MSRB3: variants seen among roughly 807,000 people sequenced by gnomAD.
The protein encoded by MSRB3 is methionine-R-sulfoxide reductase B3.
In MSRB3, 13 loss-of-function variants were observed where a neutral mutation model predicts 21.0. That is an observed-to-expected ratio of 0.62 (90% CI 0.40 to 0.98). The LOEUF is 0.98. MSRB3 is among the 50% of genes least tolerant of loss of function. The probability of loss-of-function intolerance (pLI) is 0.00; values close to 1 mark genes in which losing one functional copy is unlikely to be tolerated. For missense variants in MSRB3, 199 were observed against 230.3 expected, an observed-to-expected ratio of 0.86 and a Z score of 0.88; for synonymous variants, 87 against 88.6, an observed-to-expected ratio of 0.98 and a Z score of 0.10.
At chr12:65,321,497 C>G (rs896638912) in intron 2 of MSRB3, among the ~76,000 whole-genome samples, 7 of 152,080 alleles carry the variant, frequency 4.6e-5, no homozygotes, top group African/African-American at 1.7e-4. Context: ...ACATCTTAGA[C>G]TGTATGTTAA....
intron 6 of MSRB3, chr12:65,454,409 A>G (rs1335366317): frequency 3.3e-5 from 5 of 152,328 alleles, no homozygotes; most frequent in African/African-American, 1.2e-4. Flanking sequence ...GGCTCAGTAA[A>G]TTGAAGAGTG....
chr12:65,428,584 A>G (rs763708637), intron 5 of MSRB3, among the ~76,000 whole-genome samples: 1 of 152,222 alleles, frequency 6.6e-6, no homozygotes. Context: ...AGTTTTTAAA[A>G]TAAGTTTACA....
chr12:65,449,136 C>T (rs1462778121), intron 5 of MSRB3, among the ~76,000 whole-genome samples: 1 of 152,038 alleles, frequency 6.6e-6, no homozygotes, highest in Non-Finnish European at 1.5e-5. Flanking sequence ...TCATGCCATT[C>T]TCCTGCCTCA....
intron 5 of MSRB3, among the ~76,000 whole-genome samples, chr12:65,440,786 A>T (rs930854320): frequency 1.3e-5 from 2 of 151,942 alleles, no homozygotes; most frequent in Non-Finnish European, 2.9e-5. Flanking sequence ...AATATCTGAA[A>T]TATATACATT....
At chr12:65,419,629 T>C in intron 5 of MSRB3, 1 of 710,472 alleles carries the variant, frequency 1.4e-6, no homozygotes, top group Non-Finnish European at 2.6e-6. Flanking sequence ...CTCGATGGTC[T>C]TGAAATAATG....
chr12:65,306,716 C>A, intron 1 of MSRB3: 1 of 501,828 alleles, frequency 2.0e-6, no homozygotes, highest in Non-Finnish European at 2.6e-6. Context: ...ACTAATTTGC[C>A]ACTAGATGGA....
At chr12:65,349,237 C>A (rs573303137) in intron 4 of MSRB3, among the ~76,000 whole-genome samples, 1 of 152,146 alleles carries the variant, frequency 6.6e-6, no homozygotes, top group East Asian at 1.9e-4. Context: ...AGGACATGAA[C>A]TCATCATTTT....
At position 65,278,767 on chromosome 12, in the gene MSRB3, C is replaced by T. The variant is rs916376531; in HGVS notation, c.-150C>T. 9 of 1,578,758 alleles carry T rather than the reference C, an allele frequency of 5.7e-6. No homozygotes were observed. The African/African-American group carries it at 8.1e-5, about 14-fold the overall frequency. ...CACCGGCGGCGGCTGCCTGGCCTTT[C>T]CATGAGCCCGCGGCGGACCCTCCCG... On this transcript the variant is annotated 5_prime_UTR_variant, in exon 1 of 7. Coordinates refer to ENST00000308259, the MANE Select transcript of MSRB3 (RefSeq NM_001031679.3).
chr12:65,308,123 C>T (rs1454190063), intron 1 of MSRB3, among the ~76,000 whole-genome samples: 2 of 152,172 alleles, frequency 1.3e-5, no homozygotes, highest in African/African-American at 4.8e-5. Flanking sequence ...GTCACAGTTT[C>T]TTCACATACG....
intron 2 of MSRB3, among the ~76,000 whole-genome samples, chr12:65,315,233 G>C (rs1874215816): frequency 6.6e-6 from 1 of 152,032 alleles, no homozygotes; most frequent in Admixed American, 6.6e-5. Flanking sequence ...ATTACCTTTT[G>C]TGCCTTTGCA....
At chr12:65,418,652 T>A in intron 5 of MSRB3, 2 of 273,334 alleles carry the variant, frequency 7.3e-6, no homozygotes, top group Non-Finnish European at 1.4e-5. Flanking sequence ...CCATTTTGAG[T>A]TTTTTTTTTT....
At chr12:65,402,665 G>C (rs1000055801) in intron 5 of MSRB3, among the ~76,000 whole-genome samples, 4 of 152,180 alleles carry the variant, frequency 2.6e-5, no homozygotes, top group Admixed American at 6.5e-5. Flanking sequence ...CTGGCAAAAA[G>C]TTGTGATCCT....
chr12:65,410,683 A>C (rs1592610911), intron 5 of MSRB3, among the ~76,000 whole-genome samples: 1 of 152,250 alleles, frequency 6.6e-6, no homozygotes, highest in African/African-American at 2.4e-5. Context: ...TCATTGTGTA[A>C]TCTTGGGAAA....
At chr12:65,434,866 A>G (rs997695498) in intron 5 of MSRB3, among the ~76,000 whole-genome samples, 2 of 151,926 alleles carry the variant, frequency 1.3e-5, no homozygotes, top group African/African-American at 2.4e-5. Flanking sequence ...TGAGTAAATC[A>G]CATCCTAAGT....
chr12:65,303,921 C>T (rs1873491002), intron 1 of MSRB3, among the ~76,000 whole-genome samples: 1 of 152,092 alleles, frequency 6.6e-6, no homozygotes, highest in African/African-American at 2.4e-5. Context: ...AAAATTACCA[C>T]CATGTTAGTA....
chr12:65,320,495 A>G (rs557889325), intron 2 of MSRB3, among the ~76,000 whole-genome samples: 2 of 152,302 alleles, frequency 1.3e-5, no homozygotes, highest in South Asian at 4.1e-4. Flanking sequence ...TTGTTTGGCC[A>G]AAGGGTTTTT....
intron 2 of MSRB3, among the ~76,000 whole-genome samples, chr12:65,313,037 A>G (rs1874077071): frequency 6.6e-6 from 1 of 152,136 alleles, no homozygotes; most frequent in Admixed American, 6.6e-5. Flanking sequence ...TAAACAAAAA[A>G]CAAAAGTGGC....
At chr12:65,352,105 C>G (rs1440901002) in intron 4 of MSRB3, among the ~76,000 whole-genome samples, 3 of 152,046 alleles carry the variant, frequency 2.0e-5, no homozygotes, top group Admixed American at 1.3e-4. Flanking sequence ...CATCAAAAAG[C>G]TTATCCACCA....
chr12:65,402,604 C>A (rs1363906146), intron 5 of MSRB3, among the ~76,000 whole-genome samples: 1 of 152,158 alleles, frequency 6.6e-6, no homozygotes, highest in South Asian at 2.1e-4. Flanking sequence ...CCTTCTGAAG[C>A]CTACTTCTGT....
Sources: allele counts gnomAD v4.1 joint callset (sites outside exome capture counted in the v4.1 genomes callset), GRCh38; gene constraint gnomAD v4.1.1; transcripts MANE v1.5; gene names NCBI Gene and HGNC (gene_info 2026-07-23, HGNC 2026-07-21).